Variants in CDH18 observed in about 807,000 individuals in gnomAD.
The protein encoded by CDH18 is cadherin-18.
Under a neutral mutation model 67.9 loss-of-function variants are expected in CDH18, and 31 were observed. The ratio of observed to expected loss-of-function variants is 0.46; its 90% CI spans 0.34 to 0.62. The LOEUF (loss-of-function observed/expected upper bound fraction) is 0.62, where lower values mean the gene tolerates loss of function less well. Among genes scored for constraint, CDH18 ranks in the 20% least tolerant of loss-of-function variants. The pLI, the probability that CDH18 is intolerant of heterozygous loss-of-function variation, is 0.01. For missense variants in CDH18, 890 were observed against 975.5 expected (o/e 0.91, Z 1.17); for synonymous variants, 362 against 347.2 (o/e 1.04, Z -0.48).
intron 1 of CDH18, among the ~76,000 whole-genome samples, chr5:20,310,699 C>A (rs1429530140): frequency 2.0e-5 from 3 of 152,164 alleles, no homozygotes; most frequent in Non-Finnish European, 2.9e-5. Context: ...CATTTTCTCC[C>A]TCATTCAACT....
intron 1 of CDH18, among the ~76,000 whole-genome samples, chr5:20,526,540 C>T (rs538430554): frequency 2.0e-5 from 3 of 152,158 alleles, no homozygotes; most frequent in South Asian, 4.1e-4. Flanking sequence ...CCCTCTGGGA[C>T]GAAGCTTCCG....
chr5:20,194,912 C>G (rs934516086), intron 2 of CDH18, among the ~76,000 whole-genome samples: 2 of 151,960 alleles, frequency 1.3e-5, no homozygotes, highest in African/African-American at 2.4e-5. Context: ...TTTGTTATCC[C>G]TAGTTAAAAT....
At chr5:19,588,406 T>C (rs999729412) in intron 7 of CDH18, among the ~76,000 whole-genome samples, 1 of 151,934 alleles carries the variant, frequency 6.6e-6, no homozygotes, top group Admixed American at 6.6e-5. Context: ...CTGAAGGAAG[T>C]ATTAAATATG....
chr5:19,831,937 C>CA (rs997875437), intron 3 of CDH18, among the ~76,000 whole-genome samples: 1 of 151,946 alleles, frequency 6.6e-6, no homozygotes, highest in Non-Finnish European at 1.5e-5. Flanking sequence ...TAAAAAAGAA[C>CA]AAAATCATGT....
chr5:20,167,645 T>C (rs1736395270), intron 2 of CDH18, among the ~76,000 whole-genome samples: 1 of 152,126 alleles, frequency 6.6e-6, no homozygotes, highest in Non-Finnish European at 1.5e-5. Flanking sequence ...AGAGTGCATT[T>C]ACAAAGGACT....
chr5:20,068,960 A>C (rs527786871), intron 2 of CDH18, among the ~76,000 whole-genome samples: 37 of 152,306 alleles, frequency 2.4e-4, no homozygotes, highest in African/African-American at 8.9e-4. Context: ...GTTCAGTCTC[A>C]GGACGTCACG....
At position 19,473,133 on chromosome 5, in the gene CDH18, AG is replaced by A; in HGVS notation, c.*92del. On this transcript the variant is annotated 3_prime_UTR_variant, in exon 13 of 13. Transcript: ENST00000382275. ...GCTGTGTCCAGCTTCCTCAGTTCCAAGTACTGTTTCCACACTTCTTCCTTGT... is the reference window on the plus strand; with the variant it reads ...GCTGTGTCCAGCTTCCTCAGTTCCAATACTGTTTCCACACTTCTTCCTTGT... The A allele has an allele frequency of 6.7e-7, 1 of 1,496,102 alleles. No individual in the cohort carries two copies. Among genetic ancestry groups the A allele is most frequent in the Non-Finnish European group, 9.0e-7 (1 of 1,106,336 alleles). The allele number at this position is 1,496,102 out of a possible 1,614,324, so 92.7% of individuals were successfully genotyped here. A position where few individuals can be genotyped will look rare whatever the true frequency, so the allele number is the denominator to read the frequency against.
At chr5:19,901,459 T>C (rs1247487613) in intron 2 of CDH18, among the ~76,000 whole-genome samples, 2 of 152,130 alleles carry the variant, frequency 1.3e-5, no homozygotes, top group African/African-American at 4.8e-5. Context: ...CTTACATTAA[T>C]TACATTGGAA....
At chr5:19,725,692 C>A (rs530683051) in intron 4 of CDH18, among the ~76,000 whole-genome samples, 2 of 152,086 alleles carry the variant, frequency 1.3e-5, no homozygotes, top group African/African-American at 4.8e-5. Context: ...TCACTTGAAC[C>A]CGGGAGGCAG....
chr5:19,530,847 G>A (rs1748488511), intron 9 of CDH18, among the ~76,000 whole-genome samples: 2 of 151,952 alleles, frequency 1.3e-5, no homozygotes, highest in African/African-American at 2.4e-5. Flanking sequence ...TGGACATTTG[G>A]CTTGGTTCCA....
At chr5:19,976,704 T>G (rs1321327599) in intron 2 of CDH18, among the ~76,000 whole-genome samples, 1 of 152,062 alleles carries the variant, frequency 6.6e-6, no homozygotes, top group Admixed American at 6.6e-5. Context: ...GTTAGAAATA[T>G]AATGATACAG....
At chr5:20,419,479 T>TTG (rs1747666922) in intron 1 of CDH18, among the ~76,000 whole-genome samples, 1 of 79,782 alleles carries the variant, frequency 1.3e-5, no homozygotes, top group African/African-American at 3.9e-5. Flanking sequence ...TTTTTTTTTT[T>TTG]TTTTTTTTTT....
intron 1 of CDH18, among the ~76,000 whole-genome samples, chr5:20,469,918 C>T (rs937780516): frequency 2.6e-5 from 4 of 152,140 alleles, no homozygotes; most frequent in African/African-American, 4.8e-5. Context: ...ACATTTTGGC[C>T]TCTCAGTTTC....
intron 9 of CDH18, among the ~76,000 whole-genome samples, chr5:19,530,979 G>A (rs1170868978): frequency 1.3e-5 from 2 of 152,122 alleles, no homozygotes; most frequent in African/African-American, 4.8e-5. Flanking sequence ...CCACTGTCTG[G>A]CACTCCCTAG....
At position 20,193,100 on chromosome 5, in the gene CDH18, C is replaced by A. The variant is rs556189483; in HGVS notation, c.-518+62344G>T. 1.1e-3 allele frequency among the ~76,000 whole-genome samples: 172 copies of A among 152,138 alleles called. 1 individual carries two copies. The highest frequency in any genetic ancestry group is 3.9e-3 in the South Asian group (19 of 4,826). ...CAGCTGTATTCCTAAGTATTGTATT[C>A]TCTTTGTAGCAATTGTGAATGGGAG... On this transcript the variant is annotated intron_variant, in intron 2 of 14. Transcript: ENST00000507958.
chr5:20,146,266 A>C (rs1750637193), intron 2 of CDH18, among the ~76,000 whole-genome samples: 1 of 152,020 alleles, frequency 6.6e-6, no homozygotes, highest in Non-Finnish European at 1.5e-5. Context: ...ATTTATTTGT[A>C]GTATAGTGTT....
At chr5:19,529,830 G>A (rs1395725143) in intron 9 of CDH18, among the ~76,000 whole-genome samples, 1 of 152,056 alleles carries the variant, frequency 6.6e-6, no homozygotes, top group Non-Finnish European at 1.5e-5. Flanking sequence ...TTTACTCATG[G>A]ATAAAATGCT....
intron 2 of CDH18, among the ~76,000 whole-genome samples, chr5:19,914,901 AT>A (rs1178500775): frequency 1.3e-5 from 2 of 152,170 alleles, no homozygotes; most frequent in East Asian, 1.9e-4. Flanking sequence ...GAACTTAACA[AT>A]TTTTTTGTGG....
Position 19,473,355 on chromosome 5 carries a change from C to A in CDH18, c.2244G>T (p.Gly748=). ...TTGCTGAATCCAGCGAGCTGATAGA[C>A]CCAGCTTCTGATCTCTGACCCTCAT... is the stretch of plus-strand genomic sequence containing the variant. The part of the protein sequence containing the change: ...YAYEGQRSEA[G]SISSLDSATT... The change falls in exon 13 of 13, where the codon GGG becomes GGT. Residue 748 remains glycine (G), a synonymous_variant. Coordinates refer to ENST00000382275, the MANE Select transcript of CDH18 (RefSeq NM_004934.5). The A allele has an allele frequency of 6.2e-6, 10 of 1,613,878 alleles. No individual in the cohort carries two copies. The highest frequency in any genetic ancestry group is 8.5e-6 in the Non-Finnish European group (10 of 1,179,904).
Sources: gnomAD v4.1 joint callset for allele counts (sites outside exome capture counted in the v4.1 genomes callset) on GRCh38, gnomAD v4.1.1 for gene constraint, MANE v1.5 for transcripts, NCBI Gene and HGNC (gene_info 2026-07-23, HGNC 2026-07-21) for gene names.